The following RADIL variants were observed in gnomAD, a reference collection of about 807,000 sequenced individuals.
RADIL encodes the protein ras-associating and dilute domain-containing protein.
A neutral mutation model predicts 97.6 loss-of-function variants in RADIL; 99 were observed. That is an observed-to-expected ratio of 1.01 (90% CI 0.86 to 1.20). The LOEUF (loss-of-function observed/expected upper bound fraction) is 1.20, where lower values mean the gene tolerates loss of function less well. Among genes scored for constraint, RADIL ranks in the 50% most tolerant of loss-of-function variants. The pLI is 0.00. For missense variants in RADIL, 1,765 were observed against 1,498.9 expected, an observed-to-expected ratio of 1.18 and a Z score of -2.93; for synonymous variants, 803 against 691.8, an observed-to-expected ratio of 1.16 and a Z score of -2.52.
intron 2 of RADIL, among the ~76,000 whole-genome samples, chr7:4,853,552 G>A (rs1783758137): frequency 1.3e-5 from 2 of 152,088 alleles, no homozygotes. Flanking sequence ...AGACCAGCCT[G>A]ACCAACATGG....
At position 4,878,958 on chromosome 7, in the gene RADIL, C is replaced by T. The variant is rs968192018; in HGVS notation, c.-64-755G>A. ...AGTGCAACCAGGAAAACAGGCGAAT[C>T]GCAGCCACGTTGGCAGAATAGACCA... On this transcript the variant is annotated intron_variant, in intron 1 of 14. Transcript: ENST00000399583. The surrounding 1 kb of genome is among the most constrained non-coding windows in gnomAD (Gnocchi z 4.1). Among the ~76,000 whole-genome samples, 1 of 152,240 alleles carries T rather than the reference C, an allele frequency of 6.6e-6. No individual in the cohort carries two copies. The highest frequency in any genetic ancestry group is 2.1e-4 in the South Asian group (1 of 4,836).
Position 4,872,456 on chromosome 7 carries a change from C to T in RADIL, c.535+5149G>A, listed in dbSNP as rs1319532126. On this transcript the variant is annotated intron_variant, in intron 2 of 14. Transcript: ENST00000399583. The surrounding 1 kb of genome is among the most constrained non-coding windows in gnomAD (Gnocchi z 5.8). ...AAAGGCAAACCAAGCCTCCCCTCAC[C>T]GTTCCCCAGCCCCTGACAAAAACCA... Among the ~76,000 whole-genome samples, 1 of 152,150 alleles carries T rather than the reference C, an allele frequency of 6.6e-6. No individual in the cohort carries two copies. The highest frequency in any genetic ancestry group is 2.4e-5 in the African/African-American group (1 of 41,438).
chr7:4,805,799 T>C lies in RADIL; in HGVS notation c.2140-83A>G, dbSNP rs1782286718. 4 of 1,513,878 alleles carry C rather than the reference T, an allele frequency of 2.6e-6. No homozygotes were observed. In the Admixed American group the frequency reaches 7.8e-5, roughly 30 times the overall value. The allele number at this position is 1,513,878 out of a possible 1,614,324, so 93.8% of individuals were successfully genotyped here. On this transcript the variant is annotated intron_variant, in intron 9 of 14. Transcript: ENST00000399583. The stretch of plus-strand genomic sequence containing the variant: ...AGAGGGATGGCCTCCACAGGTGGCC[T>C]GGGGGTAGCCAGCTGAGGGGCCCTG...
intron 4 of RADIL, among the ~76,000 whole-genome samples, chr7:4,833,583 T>C (rs962974445): frequency 1.3e-5 from 2 of 152,202 alleles, no homozygotes; most frequent in African/African-American, 4.8e-5. Flanking sequence ...GAGCTGGCTT[T>C]TACTTTTTAA....
At position 4,836,460 on chromosome 7, in the gene RADIL, G is replaced by A. The variant is rs768332212; in HGVS notation, c.681C>T (p.Pro227=). 14 of 1,603,838 alleles carry A rather than the reference G, an allele frequency of 8.7e-6. No individual in the cohort carries two copies. The highest frequency in any genetic ancestry group is 1.7e-4 in the Middle Eastern group (1 of 6,058). The change falls in exon 3 of 15, where the codon CCC becomes CCT. Residue 227 remains proline, a synonymous_variant. Coordinates refer to ENST00000399583, the MANE Select transcript of RADIL (RefSeq NM_018059.5). ...GCTCCTCGGGGCCCTGGGCGGCAGC[G>A]GGCAGGGCGTTCACTGGGCTCAGGC... ...ETSLSPVNAL[P]AAAQGPEEPG...
intron 2 of RADIL, among the ~76,000 whole-genome samples, chr7:4,868,311 C>A (rs1302166320): frequency 2.0e-5 from 3 of 152,240 alleles, no homozygotes; most frequent in Non-Finnish European, 4.4e-5. Context: ...ATCCGCCCGC[C>A]TCGGCCTCCC....
At position 4,805,673 on chromosome 7, in the gene RADIL, G is replaced by A; in HGVS notation, c.2183C>T (p.Pro728Leu). ...ALRAAFPALS[P>L]AQLHRLLTHY... is the part of the protein sequence containing the mutation. ...AGTCAGCAGCCGGTGCAGCTGTGCT[G>A]GGCTCAGTGCGGGGAACGCAGCCCG... is the stretch of plus-strand genomic sequence containing the variant. Residue 728 changes from proline to leucine, a missense_variant, in exon 10 of 15, where the codon CCA becomes CTA. Transcript: ENST00000399583. The A allele has an allele frequency of 1.9e-6, 3 of 1,611,776 alleles. No homozygotes were observed. The highest frequency in any genetic ancestry group is 2.5e-6 in the Non-Finnish European group (3 of 1,179,870).
chr7:4,804,030 C>T (rs747687776), intron 10 of RADIL: 4 of 505,850 alleles, frequency 7.9e-6, no homozygotes, highest in Admixed American at 3.0e-5. Flanking sequence ...CCCACTGAGC[C>T]GCTCTGCACT....
At chr7:4,810,120 T>C (rs1360644297) in intron 9 of RADIL, among the ~76,000 whole-genome samples, 1 of 151,020 alleles carries the variant, frequency 6.6e-6, no homozygotes, top group Admixed American at 6.6e-5. Context: ...CCCAAAGTGC[T>C]GGGATTACAG....
rs1337166452 is a variant in RADIL at position 4,840,560 on chromosome 7, G to T, written c.536-3955C>A. ...ATTTTAGGGACTGCCTGATTTGGGG[G>T]TCTTATATAGGTGTGCTCTTTGCCA... On this transcript the variant is annotated intron_variant, in intron 2 of 14. Coordinates refer to ENST00000399583, the MANE Select transcript of RADIL (RefSeq NM_018059.5). This position sits in a 1 kb window ranked among gnomAD's most constrained non-coding sequence, Gnocchi z 5.6. Among the ~76,000 whole-genome samples the T allele has an allele frequency of 2.6e-5, 4 of 152,192 alleles. No individual in the cohort carries two copies. Among genetic ancestry groups the T allele is most frequent in the Non-Finnish European group, 2.9e-5 (2 of 68,034 alleles).
rs1783239324 is a variant in RADIL, at chr7:4,834,541, C to T, written c.1416+66G>A. On this transcript the variant is annotated intron_variant, in intron 4 of 14. Coordinates refer to ENST00000399583, the MANE Select transcript of RADIL (RefSeq NM_018059.5). This position sits in a 1 kb window ranked among gnomAD's most constrained non-coding sequence, Gnocchi z 6.0. ...GGCGCTCCCGCCTCCCAGCCGGGGC[C>T]AGCTCCGGGCCCCCTCTTCCCCCAG... 1 of 1,282,594 alleles carries T rather than the reference C, an allele frequency of 7.8e-7. No homozygotes were observed. The highest frequency in any genetic ancestry group is 3.0e-5 in the East Asian group (1 of 33,692). The allele number at this position is 1,282,594 out of a possible 1,614,324, so 79.5% of individuals were successfully genotyped here. A position where few individuals can be genotyped will look rare whatever the true frequency, so the allele number is the denominator to read the frequency against.
chr7:4,808,113 C>T (rs1290574705), intron 9 of RADIL, among the ~76,000 whole-genome samples: 2 of 130,704 alleles, frequency 1.5e-5, no homozygotes, highest in Admixed American at 1.6e-4. Flanking sequence ...TCTCTTCCTT[C>T]TCCTCCTCTC....
chr7:4,859,289 T>C (rs1016978404), intron 2 of RADIL: 1 of 152,610 alleles, frequency 6.6e-6, no homozygotes, highest in Admixed American at 6.5e-5. Flanking sequence ...TAATAAAAAA[T>C]ATAAAGTGCC....
chr7:4,859,922 T>G, intron 2 of RADIL: 1 of 1,612,110 alleles, frequency 6.2e-7, no homozygotes, highest in Non-Finnish European at 8.5e-7. Flanking sequence ...TGTTTGTTGC[T>G]GAGTTTCCTG....
At chr7:4,861,530 A>C in intron 2 of RADIL, 2 of 1,614,036 alleles carry the variant, frequency 1.2e-6, no homozygotes, top group South Asian at 2.2e-5. Flanking sequence ...CTTTCCTCCA[A>C]CGTTTTCAAT....
chr7:4,870,075 G>A (rs992882005), intron 2 of RADIL, among the ~76,000 whole-genome samples: 1 of 152,242 alleles, frequency 6.6e-6, no homozygotes, highest in Non-Finnish European at 1.5e-5. Flanking sequence ...AGGAGATCGA[G>A]GCTGCAGTGA....
At chr7:4,855,520 C>T (rs1477451358) in intron 2 of RADIL, among the ~76,000 whole-genome samples, 2 of 151,026 alleles carry the variant, frequency 1.3e-5, no homozygotes, top group African/African-American at 2.4e-5. Context: ...CCCAAAGGGG[C>T]CAAAACAATT....
intron 2 of RADIL, chr7:4,860,706 A>G (rs1783966095): frequency 1.2e-6 from 2 of 1,614,066 alleles, no homozygotes; most frequent in South Asian, 1.1e-5. Context: ...TACTTTTGAA[A>G]GAAGCTTGGA....
In RADIL at chr7:4,877,785, C is replaced by T. The variant is rs1784405204; in HGVS notation, c.355G>A (p.Ala119Thr). ...QYVLCDVVGQ[A>T]GDAGQRWQAR... ...TGCCACCGCTGCCCAGCATCGCCGG[C>T]TTGGCCCACCACGTCACACAGCACG... is the stretch of plus-strand genomic sequence containing the variant. The change falls in exon 2 of 15, where the codon GCC (alanine) becomes ACC (threonine). Residue 119 changes from alanine (A) to threonine (T), a missense_variant. Physicochemically the swap from Ala to Thr is moderately conservative, Grantham distance 58 (BLOSUM62 0). Coordinates refer to ENST00000399583, the MANE Select transcript of RADIL (RefSeq NM_018059.5). 1.9e-6 allele frequency: 3 copies of T among 1,612,154 alleles called. No homozygotes were observed. The highest frequency in any genetic ancestry group is 2.5e-6 in the Non-Finnish European group (3 of 1,179,950).
Sources: gnomAD v4.1 joint callset for allele counts (sites outside exome capture counted in the v4.1 genomes callset) on GRCh38, gnomAD v4.1.1 for gene constraint, Gnocchi (gnomAD v3.1) non-coding constraint, MANE v1.5 for transcripts, NCBI Gene and HGNC (gene_info 2026-07-23, HGNC 2026-07-21) for gene names.